LIPI: variants seen among roughly 807,000 people sequenced by gnomAD.
The protein encoded by LIPI is lipase I, also known as lipase member I.
Under a neutral mutation model 50.6 loss-of-function variants are expected in LIPI, and 59 were observed. That is an observed-to-expected ratio of 1.16 (90% CI 0.94 to 1.45). The LOEUF (loss-of-function observed/expected upper bound fraction) is 1.45. Among genes scored for constraint, LIPI ranks in the 40% most tolerant of loss-of-function variants. The pLI is 0.00. For missense variants in LIPI, 586 were observed against 536.3 expected (o/e 1.09, Z -0.92); for synonymous variants, 203 against 178.2 (o/e 1.14, Z -1.11).
At chr21:14,119,063 C>T (rs1172588796) in intron 9 of LIPI, among the ~76,000 whole-genome samples, 1 of 152,168 alleles carries the variant, frequency 6.6e-6, no homozygotes, top group East Asian at 1.9e-4. Context: ...CACATGCTTA[C>T]ACATAAAAGA....
intron 1 of LIPI, among the ~76,000 whole-genome samples, chr21:14,204,629 C>T (rs973397705): frequency 6.6e-6 from 1 of 151,664 alleles, no homozygotes; most frequent in South Asian, 2.1e-4. Context: ...GAAACAGAAC[C>T]AAAAATAGTT....
At chr21:14,130,028 G>A (rs1402165651) in intron 9 of LIPI, among the ~76,000 whole-genome samples, 1 of 152,174 alleles carries the variant, frequency 6.6e-6, no homozygotes, top group Non-Finnish European at 1.5e-5. Flanking sequence ...GTGGTGGAGA[G>A]TGACAGTGGA....
intron 4 of LIPI, among the ~76,000 whole-genome samples, chr21:14,176,255 A>G (rs1008636249): frequency 4.6e-5 from 7 of 151,610 alleles, no homozygotes; most frequent in Non-Finnish European, 8.8e-5. Context: ...TCTAAAGTGC[A>G]AAATTTGGCT....
At chr21:14,119,334 G>A (rs916289413) in intron 9 of LIPI, among the ~76,000 whole-genome samples, 3 of 152,166 alleles carry the variant, frequency 2.0e-5, no homozygotes, top group African/African-American at 4.8e-5. Flanking sequence ...TCCTTTGAGC[G>A]CTGTGGAAAG....
chr21:14,128,778 C>T (rs1013507554), intron 9 of LIPI, among the ~76,000 whole-genome samples: 4 of 152,048 alleles, frequency 2.6e-5, no homozygotes, highest in Non-Finnish European at 5.9e-5. Context: ...GGGCAGATAA[C>T]TCTAAAGATA....
At chr21:14,167,498 G>A (rs1185529737) in intron 4 of LIPI, among the ~76,000 whole-genome samples, 7 of 152,106 alleles carry the variant, frequency 4.6e-5, no homozygotes. Flanking sequence ...ACACAGCCGG[G>A]TACTCCTCTG....
chr21:14,182,005 G>A, intron 3 of LIPI, 146 bp from the exon 4 acceptor site: 1 of 658,332 alleles, frequency 1.5e-6, no homozygotes, highest in South Asian at 1.5e-5. Flanking sequence ...AAAACAAATG[G>A]AAGTGAATGA....
At chr21:14,192,537 A>G (rs1415235147) in intron 1 of LIPI, among the ~76,000 whole-genome samples, 1 of 152,174 alleles carries the variant, frequency 6.6e-6, no homozygotes, top group Non-Finnish European at 1.5e-5. Flanking sequence ...AAACTAATGT[A>G]TTGTCAAACT....
At chr21:14,200,762 C>T (rs1356494528) in intron 1 of LIPI, among the ~76,000 whole-genome samples, 1 of 151,556 alleles carries the variant, frequency 6.6e-6, no homozygotes, top group Non-Finnish European at 1.5e-5. Context: ...AAAAAAAAAA[C>T]TATTTTAAAA....
At chr21:14,188,882 A>G in intron 2 of LIPI, 152 bp downstream of exon 2, 4 of 669,276 alleles carry the variant, frequency 6.0e-6, no homozygotes, top group Middle Eastern at 4.1e-4. Flanking sequence ...GGCTGCATAC[A>G]TTGGTATATC....
At chr21:14,168,926 TAA>T (rs779632597) in intron 4 of LIPI, among the ~76,000 whole-genome samples, 4 of 151,006 alleles carry the variant, frequency 2.6e-5, no homozygotes, top group Non-Finnish European at 4.4e-5. Flanking sequence ...GCAAATTGGA[TAA>T]AGAGTCAAGA....
At chr21:14,129,732 G>A (rs1488109308) in intron 9 of LIPI, among the ~76,000 whole-genome samples, 1 of 149,604 alleles carries the variant, frequency 6.7e-6, no homozygotes, top group Non-Finnish European at 1.5e-5. Flanking sequence ...TAATATGATA[G>A]GTAAAATGCT....
At chr21:14,176,126 T>C (rs1223167655) in intron 4 of LIPI, among the ~76,000 whole-genome samples, 8 of 145,568 alleles carry the variant, frequency 5.5e-5, no homozygotes, top group East Asian at 4.0e-4. Context: ...TGCAGTGAGC[T>C]GAGATCGCGC....
At chr21:14,126,045 G>A (rs1176292302) in intron 9 of LIPI, among the ~76,000 whole-genome samples, 2 of 151,992 alleles carry the variant, frequency 1.3e-5, no homozygotes, top group Non-Finnish European at 2.9e-5. Flanking sequence ...AAAAAAGGCT[G>A]GTGAAGGTGC....
chr21:14,198,873 C>A (rs1469055471), intron 1 of LIPI, among the ~76,000 whole-genome samples: 1 of 151,990 alleles, frequency 6.6e-6, no homozygotes, highest in African/African-American at 2.4e-5. Context: ...AAACACTCCT[C>A]AGCAAAACAA....
chr21:14,165,094 A>G (rs1392656770), intron 6 of LIPI, 129 bp downstream of exon 6: 4 of 696,178 alleles, frequency 5.7e-6, no homozygotes, highest in African/African-American at 5.4e-5. Flanking sequence ...TCTACAGATG[A>G]TTTTTCCATA....
Position 14,187,313 on chromosome 21 carries a change from G to A in LIPI, c.433-1244C>T, listed in dbSNP as rs542055659. Reference sequence around the variant, plus strand: ...CAGATCATGGTCCAGCCCACACAGTGATATGTCTGATGGCTTACAGAAAGA... The same window carrying A: ...CAGATCATGGTCCAGCCCACACAGTAATATGTCTGATGGCTTACAGAAAGA... On this transcript the variant is annotated intron_variant, in intron 2 of 9. Coordinates refer to ENST00000681601, the MANE Select transcript of LIPI (RefSeq NM_001302998.2). 9.9e-5 allele frequency among the ~76,000 whole-genome samples: 15 copies of A among 152,220 alleles called. 1 individual carries two copies. Among genetic ancestry groups the A allele is most frequent in the Admixed American group, 6.5e-5 (1 of 15,294 alleles).
intron 1 of LIPI, among the ~76,000 whole-genome samples, chr21:14,205,054 C>T (rs2020187538): frequency 6.6e-6 from 1 of 151,440 alleles, no homozygotes; most frequent in South Asian, 2.1e-4. Flanking sequence ...AAAAAGAATA[C>T]TATAGTTGAA....
intron 1 of LIPI, among the ~76,000 whole-genome samples, chr21:14,208,428 A>C (rs147449265): frequency 1.3e-4 from 20 of 152,366 alleles, no homozygotes; most frequent in Non-Finnish European, 2.4e-4. Context: ...GAGAAAGCTG[A>C]ATTATTCTAC....
Sources: allele counts gnomAD v4.1 joint callset (sites outside exome capture counted in the v4.1 genomes callset), GRCh38; gene constraint gnomAD v4.1.1; transcripts MANE v1.5; gene names NCBI Gene and HGNC (gene_info 2026-07-23, HGNC 2026-07-21).